The following NT5C3A variants were observed in gnomAD, a reference collection of about 807,000 sequenced individuals.
NT5C3A encodes 5'-nucleotidase, cytosolic IIIA, also known as cytosolic 5'-nucleotidase 3A.
A neutral mutation model predicts 40.0 loss-of-function variants in NT5C3A; 23 were observed. The ratio of observed to expected loss-of-function variants is 0.58; its 90% confidence interval spans 0.41 to 0.81. NT5C3A has a LOEUF of 0.81. Among genes scored for constraint, NT5C3A ranks in the 40% least tolerant of loss-of-function variants. The probability of loss-of-function intolerance (pLI) is 0.00; values close to 1 mark genes in which losing one functional copy is unlikely to be tolerated. For synonymous variants in NT5C3A, 130 were observed against 141.4 expected, an observed-to-expected ratio of 0.92 and a Z score of 0.57; for missense variants, 328 against 403.0, an observed-to-expected ratio of 0.81 and a Z score of 1.59.
chr7:33,050,077 T>C (rs1787307798), intron 1 of NT5C3A, among the ~76,000 whole-genome samples: 1 of 151,464 alleles, frequency 6.6e-6, no homozygotes, highest in African/African-American at 2.4e-5. Flanking sequence ...AGTACAAGAA[T>C]CAAACGAATG....
chr7:33,018,962 C>A, intron 6 of NT5C3A, among the ~76,000 whole-genome samples: 1 of 152,012 alleles, frequency 6.6e-6, no homozygotes. Flanking sequence ...AAAAAGTAGG[C>A]TTATGTAAAT....
intron 3 of NT5C3A, 163 bp downstream of exon 3, chr7:33,023,876 T>TG (rs990707334): frequency 5.4e-5 from 33 of 612,312 alleles, no homozygotes; most frequent in Middle Eastern, 4.3e-4. Flanking sequence ...TTATATAATA[T>TG]GGGAAAAAAA....
chr7:33,029,892 T>C (rs1399796475), intron 1 of NT5C3A, among the ~76,000 whole-genome samples: 1 of 152,160 alleles, frequency 6.6e-6, no homozygotes, highest in Non-Finnish European at 1.5e-5. Flanking sequence ...TAAATCACAA[T>C]GGATGAAAGA....
In NT5C3A at chr7:33,020,282, G is replaced by C. The variant is rs184080931; in HGVS notation, c.441-558C>G. 2.8e-3 allele frequency among the ~76,000 whole-genome samples: 421 copies of C among 151,370 alleles called. 2 individuals carry two copies. The highest frequency in any genetic ancestry group is 0.01 in the African/African-American group (411 of 40,858). On this transcript the variant is annotated intron_variant, in intron 5 of 8. Coordinates refer to ENST00000610140, the MANE Select transcript of NT5C3A (RefSeq NM_001002010.5). ...ATTATGCAAACAGCCACTAAAAACA[G>C]AAAGAAAGAAACGAAAAGAAAAAAA...
At chr7:33,048,099 T>A (rs1787226565) in intron 1 of NT5C3A, among the ~76,000 whole-genome samples, 2 of 152,002 alleles carry the variant, frequency 1.3e-5, no homozygotes, top group Admixed American at 1.3e-4. Context: ...TTGCAATAGG[T>A]AGGTCAGGTC....
At chr7:33,018,833 C>CA (rs1229517488) in intron 6 of NT5C3A, among the ~76,000 whole-genome samples, 30 of 124,038 alleles carry the variant, frequency 2.4e-4, no homozygotes, top group East Asian at 7.1e-4. Flanking sequence ...GACTCCATCT[C>CA]AAAAAAAAAA....
chr7:33,017,596 C>T lies in NT5C3A; in HGVS notation c.536G>A (p.Gly179Glu), dbSNP rs997454147. The T allele has an allele frequency of 1.2e-6, 2 of 1,612,368 alleles. No homozygotes were observed. Among genetic ancestry groups the T allele is most frequent in the African/African-American group, 2.7e-5 (2 of 74,870 alleles). The stretch of plus-strand genomic sequence containing the variant: ...GAGCTTATCAAAGAAATTCTCATAT[C>T]CTTCTCTGTAAGATGGAGATAACAA... ...VAESDVMLKEGYENFFDKLQQ... is the reference protein window; with the variant it reads ...VAESDVMLKEEYENFFDKLQQ... Residue 179 changes from glycine (G) to glutamate (E), a missense_variant, in exon 7 of 9, where the codon GGA (glycine) becomes GAA (glutamate). Gly to Glu is a moderately conservative substitution (Grantham distance 98). Around this residue, in one of 3 missense-constraint regions of NT5C3A, gnomAD observed 280 missense variants for 317.2 expected, o/e 0.88. Transcript: ENST00000610140.
chr7:33,040,042 G>C (rs1026613519), intron 1 of NT5C3A, among the ~76,000 whole-genome samples: 2 of 152,078 alleles, frequency 1.3e-5, no homozygotes, highest in Non-Finnish European at 2.9e-5. Flanking sequence ...TGGAAACTAA[G>C]TAATTTATAC....
At position 33,062,755 on chromosome 7, in the gene NT5C3A, G is replaced by A; in HGVS notation, c.-50C>T. ...AGCAGGAAAAAAACAGGCAGCTCGCGTAGACTGCGAGTCTCGGAAGCGCGG... is the reference window on the plus strand; with the variant it reads ...AGCAGGAAAAAAACAGGCAGCTCGCATAGACTGCGAGTCTCGGAAGCGCGG... On this transcript the variant is annotated 5_prime_UTR_variant, in exon 1 of 9. It adds an upstream start codon to the 5' untranslated region. Coordinates refer to ENST00000610140, the MANE Select transcript of NT5C3A (RefSeq NM_001002010.5). 1.9e-6 allele frequency: 3 copies of A among 1,548,634 alleles called. No individual in the cohort carries two copies. The highest frequency in any genetic ancestry group is 1.2e-5 in the South Asian group (1 of 84,066).
chr7:33,053,579 T>TGAGCCCAG (rs1006798204), intron 1 of NT5C3A, among the ~76,000 whole-genome samples: 52 of 152,144 alleles, frequency 3.4e-4, no homozygotes, highest in African/African-American at 1.2e-3. Flanking sequence ...GAAGACGGTT[T>TGAGCCCAG]GAGCCCAGGA....
At position 33,017,508 on chromosome 7, in the gene NT5C3A, A is replaced by G. The variant is rs1326590180; in HGVS notation, c.624T>C (p.Val208=). The change falls in exon 7 of 9, where the codon GTT becomes GTC. Residue 208 remains valine, a synonymous_variant. Coordinates refer to ENST00000610140, the MANE Select transcript of NT5C3A (RefSeq NM_001002010.5). The stretch of plus-strand genomic sequence containing the variant: ...GATGATAAACACCAGCTTGACGAAT[A>G]ACTTCCTCTAGTACATCGCCGATTC... ...SAGIGDVLEE[V]IRQAGVYHPN... 1 of 1,613,638 alleles carries G rather than the reference A, an allele frequency of 6.2e-7. No homozygotes were observed. Among genetic ancestry groups the G allele is most frequent in the East Asian group, 2.2e-5 (1 of 44,890 alleles).
intron 1 of NT5C3A, among the ~76,000 whole-genome samples, chr7:33,057,049 G>A (rs1192304437): frequency 6.6e-6 from 1 of 152,074 alleles, no homozygotes; most frequent in Non-Finnish European, 1.5e-5. Context: ...CCAACCTCAG[G>A]TGATCCGCCC....
intron 1 of NT5C3A, among the ~76,000 whole-genome samples, chr7:33,060,295 A>C (rs1483533492): frequency 6.6e-6 from 1 of 151,904 alleles, no homozygotes; most frequent in Non-Finnish European, 1.5e-5. Flanking sequence ...ATAAAGAGCA[A>C]ACTCTTTATA....
In NT5C3A at chr7:33,039,482, C is replaced by T. The variant is rs570058891; in HGVS notation, c.139-12567G>A. On this transcript the variant is annotated intron_variant, in intron 1 of 8. Transcript: ENST00000610140. The stretch of plus-strand genomic sequence containing the variant: ...ATTACCATAATATGGACACAGTATC[C>T]GCAACAGTACCAAACATCAATTTTT... 8.6e-5 allele frequency among the ~76,000 whole-genome samples: 13 copies of T among 150,664 alleles called. No homozygotes were observed. In the South Asian group the frequency reaches 1.7e-3, roughly 19 times the overall value.
intron 1 of NT5C3A, among the ~76,000 whole-genome samples, chr7:33,061,035 G>A (rs1787754404): frequency 6.6e-6 from 1 of 152,136 alleles, no homozygotes; most frequent in Admixed American, 6.6e-5. Flanking sequence ...ATAGCAAACT[G>A]TTCCTATGAT....
chr7:33,027,212 G>A (rs995639486), intron 1 of NT5C3A, among the ~76,000 whole-genome samples: 4 of 152,132 alleles, frequency 2.6e-5, no homozygotes, highest in Admixed American at 6.5e-5. Flanking sequence ...TAGAAGGCAT[G>A]CGCCATCATA....
intron 1 of NT5C3A, among the ~76,000 whole-genome samples, chr7:33,054,813 G>A (rs1226826281): frequency 6.6e-6 from 1 of 152,172 alleles, no homozygotes; most frequent in Non-Finnish European, 1.5e-5. Flanking sequence ...AGATTTTGAA[G>A]AGTTTTGGAT....
chr7:33,035,457 T>C (rs1260512609), intron 1 of NT5C3A, among the ~76,000 whole-genome samples: 1 of 152,138 alleles, frequency 6.6e-6, no homozygotes, highest in Non-Finnish European at 1.5e-5. Flanking sequence ...CCTCCCAAAG[T>C]GCTGGGATTA....
chr7:33,015,846 C>T lies in NT5C3A; in HGVS notation c.718G>A (p.Glu240Lys). The T allele has an allele frequency of 6.2e-7, 1 of 1,609,764 alleles. No homozygotes were observed. The highest frequency in any genetic ancestry group is 8.5e-7 in the Non-Finnish European group (1 of 1,176,084). ...ETGVLKGFKG[E>K]LIHVFNKHDG... ...TGTTTGTTAAATACATGAATTAGTT[C>T]TCCTTTAAATCCTTTGAGCACCCCC... is the stretch of plus-strand genomic sequence containing the variant. The change falls in exon 8 of 9, where the codon GAA becomes AAA. Residue 240 changes from glutamate (E) to lysine (K), a missense_variant. Around this residue, in one of 3 missense-constraint regions of NT5C3A, gnomAD observed 280 missense variants for 317.2 expected, o/e 0.88. Transcript: ENST00000610140.
Sources: gnomAD v4.1 joint callset for allele counts (sites outside exome capture counted in the v4.1 genomes callset) on GRCh38, gnomAD v4.1.1 for gene constraint, gnomAD v4.1.1 regional missense constraint, MANE v1.5 for transcripts, NCBI Gene and HGNC (gene_info 2026-07-23, HGNC 2026-07-21) for gene names.